The following KAZN variants were observed in gnomAD, a reference collection of about 807,000 sequenced individuals.
The protein encoded by KAZN is kazrin, periplakin interacting protein.
KAZN carries 40 observed loss-of-function variants against 87.4 expected under a neutral mutation model. The observed-to-expected ratio is 0.46, with a 90% CI of 0.36 to 0.60. The LOEUF is 0.60. Ranked by LOEUF, KAZN falls within the 20% of genes least tolerant of loss-of-function variation. The pLI, the probability that KAZN is intolerant of heterozygous loss-of-function variation, is 0.00. For synonymous variants in KAZN, 466 were observed against 458.3 expected (o/e 1.02, Z -0.22); for missense variants, 898 against 1,073.9 (o/e 0.84, Z 2.29).
intron 1 of KAZN, among the ~76,000 whole-genome samples, chr1:14,918,840 G>A (rs1364579357): frequency 6.6e-6 from 1 of 150,872 alleles, no homozygotes; most frequent in Non-Finnish European, 1.5e-5. Flanking sequence ...GTTGGCAGCA[G>A]CTCCACCTGA....
chr1:14,885,420 C>T (rs1412931358), intron 1 of KAZN, among the ~76,000 whole-genome samples: 1 of 152,206 alleles, frequency 6.6e-6, no homozygotes. Flanking sequence ...CTAAGTGTCC[C>T]CACTTCCCCA....
At chr1:14,729,178 A>G (rs1481175067) in intron 1 of KAZN, among the ~76,000 whole-genome samples, 1 of 152,198 alleles carries the variant, frequency 6.6e-6, no homozygotes, top group Admixed American at 6.5e-5. Flanking sequence ...GCCCACGTCT[A>G]GGGCCTGTGA....
chr1:15,046,834 A>G (rs1673606480), intron 4 of KAZN, among the ~76,000 whole-genome samples: 1 of 152,228 alleles, frequency 6.6e-6, no homozygotes, highest in Admixed American at 6.5e-5. Flanking sequence ...GCAGCCCAGA[A>G]AGAAACCTTT....
chr1:15,008,714 G>C (rs1669280083), intron 2 of KAZN, among the ~76,000 whole-genome samples: 1 of 152,152 alleles, frequency 6.6e-6, no homozygotes, highest in Non-Finnish European at 1.5e-5. Flanking sequence ...CCAAGTTCAA[G>C]GTCTGTGTAA....
intron 3 of KAZN, among the ~76,000 whole-genome samples, chr1:15,036,111 G>C (rs1046700290): frequency 1.3e-5 from 2 of 151,922 alleles, no homozygotes; most frequent in Non-Finnish European, 2.9e-5. Context: ...AAGGAGCCTC[G>C]AGAGTTCTCT....
intron 1 of KAZN, among the ~76,000 whole-genome samples, chr1:14,661,147 G>A (rs544264818): frequency 5.3e-5 from 8 of 152,342 alleles, no homozygotes; most frequent in Non-Finnish European, 1.0e-4. Flanking sequence ...CTCCCCATTT[G>A]TAGATAGGAG....
chr1:14,000,212 A>G (rs1471917573), intron 1 of KAZN, among the ~76,000 whole-genome samples: 1 of 152,240 alleles, frequency 6.6e-6, no homozygotes. Flanking sequence ...CACCAGCATC[A>G]TCCTGATACC....
intron 1 of KAZN, among the ~76,000 whole-genome samples, chr1:14,905,836 C>G (rs1656469017): frequency 7.4e-6 from 1 of 135,092 alleles, no homozygotes; most frequent in African/African-American, 2.9e-5. Context: ...CTGTGAGACT[C>G]CGTCTCAAAA....
At chr1:14,492,538 A>G (rs1263725251) in intron 2 of KAZN, among the ~76,000 whole-genome samples, 1 of 150,466 alleles carries the variant, frequency 6.6e-6, no homozygotes, top group East Asian at 2.0e-4. Flanking sequence ...GAAAAAGCAC[A>G]AGGCCATTTC....
chr1:15,024,385 G>A (rs936756229), intron 2 of KAZN, among the ~76,000 whole-genome samples: 4 of 152,250 alleles, frequency 2.6e-5, no homozygotes, highest in Non-Finnish European at 5.9e-5. Flanking sequence ...AATGGAGACG[G>A]TGATACGGTC....
At chr1:14,327,362 T>TC (rs1466783913) in intron 2 of KAZN, among the ~76,000 whole-genome samples, 1 of 151,864 alleles carries the variant, frequency 6.6e-6, no homozygotes, top group Non-Finnish European at 1.5e-5. Flanking sequence ...TGCTTATTAG[T>TC]CCCCCCACAC....
chr1:14,738,735 G>T (rs1643991820), intron 1 of KAZN, among the ~76,000 whole-genome samples: 1 of 152,042 alleles, frequency 6.6e-6, no homozygotes, highest in South Asian at 2.1e-4. Flanking sequence ...AGAGGTTTAT[G>T]TACTGGATTT....
In KAZN at chr1:15,027,070, C is replaced by CTTTTTTTTTTT. The variant is rs71000358; in HGVS notation, c.419-7660_419-7650dup. On this transcript the variant is annotated intron_variant, in intron 2 of 14. Coordinates refer to ENST00000376030, the MANE Select transcript of KAZN (RefSeq NM_201628.3). ...TAGGCAGATTCCCAAGCCAGTGCTT[C>CTTTTTTTTTTT]TTTTTTTTTTTTTTTTTTTTTTTTT... Among the ~76,000 whole-genome samples the CTTTTTTTTTTT allele has an allele frequency of 2.5e-3, 139 of 56,120 alleles. 25 individuals are homozygous for CTTTTTTTTTTT. The highest frequency in any genetic ancestry group is 6.6e-3 in the African/African-American group (98 of 14,866). 36.8% of individuals were successfully genotyped at this position (56,120 alleles called of 152,430 possible).
rs1343501603 is a variant in KAZN at position 15,063,585 on chromosome 1, G to A, written c.1061G>A (p.Gly354Asp). The A allele has an allele frequency of 1.9e-6, 3 of 1,613,922 alleles. No homozygotes were observed. In the African/African-American group the frequency reaches 4.0e-5, roughly 22 times the overall value. ...THSLCNGDSP[G>D]PVQKNLHNPI... is the part of the protein sequence containing the mutation. ...CTCTGGCTACAGGGCGACAGTCCCG[G>A]CCCAGTTCAGAAGAACCTGCACAAC... The change falls in exon 7 of 15, where the codon GGC becomes GAC. Residue 354 changes from glycine (G) to aspartate (D), a missense_variant. Transcript: ENST00000376030.
At chr1:13,980,199 CT>C (rs1638595759) in intron 1 of KAZN, among the ~76,000 whole-genome samples, 1 of 151,946 alleles carries the variant, frequency 6.6e-6, no homozygotes, top group Admixed American at 6.6e-5. Flanking sequence ...ATAAAAAATA[CT>C]TTAGTAATTC....
At chr1:14,970,898 A>T (rs926721171) in intron 2 of KAZN, among the ~76,000 whole-genome samples, 1 of 152,200 alleles carries the variant, frequency 6.6e-6, no homozygotes, top group Non-Finnish European at 1.5e-5. Context: ...CCCATTTTGT[A>T]GTTGGGAAGA....
At position 14,606,219 on chromosome 1, in the gene KAZN, G is replaced by A. The variant is rs1351159459; in HGVS notation, c.226+6996G>A. Among the ~76,000 whole-genome samples the A allele has an allele frequency of 2.6e-5, 4 of 152,306 alleles. No homozygotes were observed. In the East Asian group the frequency reaches 7.7e-4, roughly 29 times the overall value. ...CTCTCTGCTGTTTAAACCTGTGTATGCTTCTCTGCCCTGCCTCCTAAGTCA... is the reference window on the plus strand; with the variant it reads ...CTCTCTGCTGTTTAAACCTGTGTATACTTCTCTGCCCTGCCTCCTAAGTCA... On this transcript the variant is annotated intron_variant, in intron 1 of 14. Transcript: ENST00000376030.
At chr1:13,978,401 T>G (rs1638482321) in intron 1 of KAZN, among the ~76,000 whole-genome samples, 1 of 151,522 alleles carries the variant, frequency 6.6e-6, no homozygotes, top group South Asian at 2.1e-4. Context: ...ACACAGACTT[T>G]AAAATAACTA....
chr1:14,942,971 T>A (rs1436366671), intron 1 of KAZN, among the ~76,000 whole-genome samples: 1 of 151,078 alleles, frequency 6.6e-6, no homozygotes, highest in Non-Finnish European at 1.5e-5. Flanking sequence ...TCTTGTGTTA[T>A]GTTGAACTGG....
Sources: allele counts gnomAD v4.1 joint callset (sites outside exome capture counted in the v4.1 genomes callset), GRCh38; gene constraint gnomAD v4.1.1; transcripts MANE v1.5; gene names NCBI Gene and HGNC (gene_info 2026-07-23, HGNC 2026-07-21).